Variants in RBMS3 observed in about 807,000 individuals in gnomAD.
The protein encoded by RBMS3 is RNA-binding motif, single-stranded-interacting protein 3.
A neutral mutation model predicts 66.8 loss-of-function variants in RBMS3; 27 were observed. The ratio of observed to expected loss-of-function variants is 0.40; its 90% CI spans 0.30 to 0.56. The LOEUF is 0.56. Among genes scored for constraint, RBMS3 ranks in the 20% least tolerant of loss-of-function variants. RBMS3 has a pLI of 0.40. For missense variants in RBMS3, 513 were observed against 549.5 expected (o/e 0.93, Z 0.66); for synonymous variants, 188 against 183.0 (o/e 1.03, Z -0.22).
chr3:29,506,095 A>C (rs531945313), intron 3 of RBMS3, among the ~76,000 whole-genome samples: 48 of 151,866 alleles, frequency 3.2e-4, no homozygotes, highest in African/African-American at 1.1e-3. Flanking sequence ...TGTTCTCGCT[A>C]GGGGACGTCC....
chr3:29,745,898 T>TAAA (rs3836344), intron 5 of RBMS3, among the ~76,000 whole-genome samples: 8 of 147,908 alleles, frequency 5.4e-5, no homozygotes, highest in African/African-American at 1.2e-4. Flanking sequence ...TTTCATTAAG[T>TAAA]AAAAAAAAAA....
chr3:29,521,021 A>G (rs2044836682), intron 3 of RBMS3, among the ~76,000 whole-genome samples: 1 of 152,032 alleles, frequency 6.6e-6, no homozygotes, highest in Non-Finnish European at 1.5e-5. Context: ...CACATTTAAG[A>G]GGCCCTCCTC....
Position 29,294,032 on chromosome 3 carries a change from A to T in RBMS3, c.75+12276A>T, listed in dbSNP as rs369815081. Among the ~76,000 whole-genome samples, 9 of 151,844 alleles carry T rather than the reference A, an allele frequency of 5.9e-5. No individual in the cohort carries two copies. The East Asian group carries it at 1.6e-3, about 26-fold the overall frequency. ...TACTCTTCCAGATCATATTTGTGTC[A>T]GAGTTAGTCTGTAAACAGTCTGAGA... On this transcript the variant is annotated intron_variant, in intron 1 of 14. Coordinates refer to ENST00000383767, the MANE Select transcript of RBMS3 (RefSeq NM_001003793.3).
rs1453451666 is a variant in RBMS3, at chr3:30,005,196, C to T, written c.*1334C>T. 6.8e-6 allele frequency: 1 copy of T among 147,826 alleles called. No individual in the cohort carries two copies. 9.2% of individuals were successfully genotyped at this position (147,826 alleles called of 1,614,324 possible). ...CCTTCCACTGGTGTTTTACATAGTG[C>T]AAAAAAAAAAAGAGGGTGGGGGGAG... On this transcript the variant is annotated 3_prime_UTR_variant, in exon 15 of 15. Transcript: ENST00000383767.
intron 6 of RBMS3, among the ~76,000 whole-genome samples, chr3:29,858,316 G>A (rs1299036019): frequency 3.9e-5 from 6 of 151,992 alleles, no homozygotes; most frequent in Non-Finnish European, 5.9e-5. Context: ...GTAGTACATA[G>A]TAATCTATAA....
At chr3:29,909,585 C>CA (rs1440965627) in intron 10 of RBMS3, among the ~76,000 whole-genome samples, 1 of 152,006 alleles carries the variant, frequency 6.6e-6, no homozygotes, top group Non-Finnish European at 1.5e-5. Flanking sequence ...TTTTGAAATA[C>CA]AAAAAATATG....
At chr3:29,947,761 G>A (rs967940624) in intron 12 of RBMS3, among the ~76,000 whole-genome samples, 14 of 151,200 alleles carry the variant, frequency 9.3e-5, no homozygotes, top group Admixed American at 7.3e-4. Context: ...TTCTATACAT[G>A]GTTGGGTTTT....
chr3:29,834,339 C>G (rs2058449692), intron 6 of RBMS3, among the ~76,000 whole-genome samples: 1 of 151,938 alleles, frequency 6.6e-6, no homozygotes, highest in Non-Finnish European at 1.5e-5. Context: ...TTACTTATGA[C>G]TCTAGTATAA....
chr3:29,530,362 A>G (rs1234154841), intron 3 of RBMS3, among the ~76,000 whole-genome samples: 1 of 152,232 alleles, frequency 6.6e-6, no homozygotes, highest in African/African-American at 2.4e-5. Flanking sequence ...AAATTTGGAT[A>G]TGTGGAAGTA....
intron 1 of RBMS3, among the ~76,000 whole-genome samples, chr3:29,311,207 T>C (rs147406033): frequency 1.3e-5 from 2 of 151,884 alleles, no homozygotes; most frequent in African/African-American, 4.8e-5. Context: ...GAGGTGGGTT[T>C]GTTTGTTAGG....
At chr3:29,873,537 A>G (rs566384824) in intron 7 of RBMS3, among the ~76,000 whole-genome samples, 1 of 152,150 alleles carries the variant, frequency 6.6e-6, no homozygotes, top group Non-Finnish European at 1.5e-5. Flanking sequence ...GTCTGCAAAC[A>G]GGGATAGTTT....
At chr3:29,661,211 G>A (rs1368491219) in intron 4 of RBMS3, among the ~76,000 whole-genome samples, 2 of 152,206 alleles carry the variant, frequency 1.3e-5, no homozygotes, top group African/African-American at 4.8e-5. Flanking sequence ...TTACAAAAGA[G>A]TTGTATCAGA....
chr3:29,730,050 T>C (rs2054064535), intron 4 of RBMS3, among the ~76,000 whole-genome samples: 1 of 151,984 alleles, frequency 6.6e-6, no homozygotes, highest in South Asian at 2.1e-4. Flanking sequence ...GGTAATGATA[T>C]ATATCTTACC....
At chr3:29,623,262 A>G (rs1306122815) in intron 4 of RBMS3, among the ~76,000 whole-genome samples, 2 of 151,974 alleles carry the variant, frequency 1.3e-5, no homozygotes, top group African/African-American at 2.4e-5. Flanking sequence ...TACTTTAAAT[A>G]TACGCCGAGT....
Position 29,436,713 on chromosome 3 carries a change from A to G in RBMS3, c.248+1798A>G, listed in dbSNP as rs117429392. ...ATTTTTAAGGGTAGCTATTAGGGAA[A>G]GGTTCTTTCTTACTGGTCTTTACCA... On this transcript the variant is annotated intron_variant, in intron 2 of 14. Coordinates refer to ENST00000383767, the MANE Select transcript of RBMS3 (RefSeq NM_001003793.3). 2.6e-4 allele frequency among the ~76,000 whole-genome samples: 40 copies of G among 152,350 alleles called. No individual in the cohort carries two copies. The East Asian group carries it at 7.7e-3, about 29-fold the overall frequency.
At chr3:29,756,610 C>T (rs2149374052) in intron 5 of RBMS3, among the ~76,000 whole-genome samples, 1 of 152,194 alleles carries the variant, frequency 6.6e-6, no homozygotes, top group East Asian at 1.9e-4. Context: ...CACCAGGTCC[C>T]TCCCATGGCA....
intron 4 of RBMS3, among the ~76,000 whole-genome samples, chr3:29,629,977 G>T (rs1387525903): frequency 1.3e-5 from 2 of 152,024 alleles, no homozygotes; most frequent in Admixed American, 6.6e-5. Context: ...CCTTTCTCAT[G>T]TTATGAAACA....
chr3:29,816,401 A>G (rs2057904599), intron 6 of RBMS3, among the ~76,000 whole-genome samples: 1 of 152,048 alleles, frequency 6.6e-6, no homozygotes, highest in Non-Finnish European at 1.5e-5. Context: ...CATGCAGGTG[A>G]GCTGGGAAAT....
chr3:29,678,554 A>G (rs1447080126), intron 4 of RBMS3, among the ~76,000 whole-genome samples: 1 of 152,186 alleles, frequency 6.6e-6, no homozygotes, highest in African/African-American at 2.4e-5. Flanking sequence ...AGTAATCTCC[A>G]GAGAGTGAAA....
Sources: gnomAD v4.1 joint callset for allele counts (sites outside exome capture counted in the v4.1 genomes callset) on GRCh38, gnomAD v4.1.1 for gene constraint, MANE v1.5 for transcripts, NCBI Gene and HGNC (gene_info 2026-07-23, HGNC 2026-07-21) for gene names.